Variants in INAVA observed in about 807,000 individuals in gnomAD.
INAVA encodes the protein innate immunity activator.
In INAVA, 32 loss-of-function variants were observed where a neutral mutation model predicts 55.3. The ratio of observed to expected loss-of-function variants is 0.58; its 90% CI spans 0.44 to 0.78. The LOEUF is 0.78. Ranked by LOEUF, INAVA falls within the 30% of genes least tolerant of loss-of-function variation. The pLI is 0.00. For synonymous variants in INAVA, 294 were observed against 329.4 expected (o/e 0.89, Z 1.16); for missense variants, 756 against 786.4 (o/e 0.96, Z 0.46).
At chr1:200,905,942 GT>G (rs1438355426) in intron 5 of INAVA, among the ~76,000 whole-genome samples, 1 of 152,258 alleles carries the variant, frequency 6.6e-6, no homozygotes, top group African/African-American at 2.4e-5. Context: ...CTGTCTGGGT[GT>G]GAATTCTGAC....
chr1:200,909,044 G>C, intron 7 of INAVA, 104 bp downstream of exon 7: 1 of 1,337,364 alleles, frequency 7.5e-7, no homozygotes, highest in Non-Finnish European at 1.0e-6. Context: ...TGGAAAGGTG[G>C]AGGAGAGAGC....
At chr1:200,894,844 C>T (rs1228728369), upstream of INAVA, 2 of 985,466 alleles carry the variant, frequency 2.0e-6, no homozygotes, top group Admixed American at 6.1e-5. Context: ...AGGACTTGCT[C>T]ACCTGCTCCT....
chr1:200,910,086 G>A (rs1364519304), intron 8 of INAVA, among the ~76,000 whole-genome samples: 2 of 152,160 alleles, frequency 1.3e-5, no homozygotes, highest in Admixed American at 1.3e-4. Context: ...CTTTGGCACT[G>A]TATTTGGGGG....
At chr1:200,909,447 G>A (rs1225856174) in intron 8 of INAVA, 50 bp downstream of exon 8, 19 of 1,414,738 alleles carry the variant, frequency 1.3e-5, no homozygotes, top group Middle Eastern at 4.2e-4. Flanking sequence ...AGAGCTTATC[G>A]TTGGAGGGTG....
chr1:200,903,439 A>G (rs951012832), intron 5 of INAVA, among the ~76,000 whole-genome samples: 1 of 151,776 alleles, frequency 6.6e-6, no homozygotes, highest in Non-Finnish European at 1.5e-5. Context: ...AAGGGAGCCG[A>G]GATCGTGCCA....
upstream of INAVA, among the ~76,000 whole-genome samples, chr1:200,891,974 C>A (rs969767081): frequency 6.6e-6 from 1 of 150,964 alleles, no homozygotes; most frequent in Non-Finnish European, 1.5e-5. Flanking sequence ...CTCGGGCCAG[C>A]CTGGATGTGG....
In INAVA at chr1:200,894,987, C is replaced by T. The variant is rs541681476; in HGVS notation, c.-195C>T. ...CCGTCAGCTGGAGAGAGAGCACAGGCCTGTGGCTTGGGAGACCCTGAGGCG... is the reference window on the plus strand; with the variant it reads ...CCGTCAGCTGGAGAGAGAGCACAGGTCTGTGGCTTGGGAGACCCTGAGGCG... On this transcript the variant is annotated 5_prime_UTR_variant, in exon 1 of 10. Transcript: ENST00000413687. 8.8e-4 allele frequency: 872 copies of T among 985,654 alleles called. 1 individual carries two copies. Among genetic ancestry groups the T allele is most frequent in the Non-Finnish European group, 1.0e-3 (848 of 830,078 alleles). The allele number at this position is 985,654 out of a possible 1,614,324, so 61.1% of individuals were successfully genotyped here.
At chr1:200,894,811 G>A, upstream of INAVA, 1 of 985,594 alleles carries the variant, frequency 1.0e-6, no homozygotes, top group African/African-American at 1.7e-5. Flanking sequence ...GCTGGCACCA[G>A]TTGCACGGGA....
rs1255448704 is a variant in INAVA at position 200,911,652 on chromosome 1, A to G, written c.1159A>G (p.Ser387Gly). Residue 387 changes from serine to glycine, a missense_variant, in exon 9 of 10, where the codon AGC becomes GGC. Coordinates refer to ENST00000413687, the MANE Select transcript of INAVA (RefSeq NM_001142569.3). ...SSISHPTSPG[S>G]SSPDISFLQP... ...CATCTCCCACCCCACTTCGCCGGGCAGCAGCAGCCCCGACATCTCCTTTCT... is the reference window on the plus strand; with the variant it reads ...CATCTCCCACCCCACTTCGCCGGGCGGCAGCAGCCCCGACATCTCCTTTCT... 6 of 1,614,008 alleles carry G rather than the reference A, an allele frequency of 3.7e-6. No homozygotes were observed. The highest frequency in any genetic ancestry group is 1.1e-5 in the South Asian group (1 of 91,074).
At chr1:200,893,767 G>A (rs1453409862), upstream of INAVA, among the ~76,000 whole-genome samples, 2 of 152,164 alleles carry the variant, frequency 1.3e-5, no homozygotes, top group Admixed American at 6.5e-5. Context: ...GGATGCTGGG[G>A]GACTCCAGCC....
At position 200,911,439 on chromosome 1, in the gene INAVA, C is replaced by A. The variant is rs564955761; in HGVS notation, c.960-14C>A. 1.2e-6 allele frequency: 2 copies of A among 1,602,992 alleles called. No homozygotes were observed. Among genetic ancestry groups the A allele is most frequent in the African/African-American group, 2.7e-5 (2 of 74,872 alleles). ...TGCCCCCCACACTCAGAATGCCTCTCTTTCCCTCTTCAGGGTGGATTCCTT... is the reference window on the plus strand; with the variant it reads ...TGCCCCCCACACTCAGAATGCCTCTATTTCCCTCTTCAGGGTGGATTCCTT... On this transcript the variant is annotated splice_polypyrimidine_tract_variant and intron_variant, in intron 8 of 9. Coordinates refer to ENST00000413687, the MANE Select transcript of INAVA (RefSeq NM_001142569.3).
intron 8 of INAVA, 62 bp downstream of exon 8, chr1:200,909,459 G>A: frequency 2.2e-6 from 3 of 1,374,088 alleles, no homozygotes; most frequent in Non-Finnish European, 2.9e-6. Flanking sequence ...TGGAGGGTGG[G>A]AGCTCCCAGG....
At chr1:200,892,957 A>G (rs114543578), upstream of INAVA, among the ~76,000 whole-genome samples, 1,467 of 152,310 alleles carry the variant, frequency 9.6e-3, 18 homozygotes, top group African/African-American at 0.033. Context: ...GAGATGGAGG[A>G]TTACCTGAGG....
intron 8 of INAVA, among the ~76,000 whole-genome samples, chr1:200,910,514 G>T (rs1280126982): frequency 6.6e-6 from 1 of 152,208 alleles, no homozygotes; most frequent in Admixed American, 6.5e-5. Flanking sequence ...TAAATTGGCT[G>T]GTCAGGCAGC....
chr1:200,907,987 A>T, intron 6 of INAVA, 100 bp downstream of exon 6: 10 of 957,810 alleles, frequency 1.0e-5, no homozygotes, highest in Non-Finnish European at 1.7e-5. Flanking sequence ...GTGGGAGTGA[A>T]GGCTAGGGTG....
Position 200,898,451 on chromosome 1 carries a change from G to A in INAVA, c.51G>A (p.Gln17=). ...ACACCGACAGTGGCATCATCCTGCA[G>A]TCTGGTGAGTGTTCAGGGAAATCCC... The part of the protein sequence containing the change: ...VSDTDSGIIL[Q]SGPDSPVSPM... Residue 17 remains glutamine (Q), a synonymous_variant, in exon 2 of 10, where the codon CAG becomes CAA. Transcript: ENST00000413687. 1 of 1,613,878 alleles carries A rather than the reference G, an allele frequency of 6.2e-7. No homozygotes were observed. The highest frequency in any genetic ancestry group is 8.5e-7 in the Non-Finnish European group (1 of 1,179,918).
In INAVA at chr1:200,906,793, G is replaced by C. The variant is rs1333353248; in HGVS notation, c.521-1041G>C. On this transcript the variant is annotated intron_variant, in intron 5 of 9. Coordinates refer to ENST00000413687, the MANE Select transcript of INAVA (RefSeq NM_001142569.3). ...ATTGGGATCTTTGAATTGTGTTTGTGATGTGAGATGATTATACAAAAGTTA... is the reference window on the plus strand; with the variant it reads ...ATTGGGATCTTTGAATTGTGTTTGTCATGTGAGATGATTATACAAAAGTTA... Among the ~76,000 whole-genome samples, 3 of 152,128 alleles carry C rather than the reference G, an allele frequency of 2.0e-5. 1 individual carries two copies. Among genetic ancestry groups the C allele is most frequent in the African/African-American group, 7.2e-5 (3 of 41,426 alleles).
chr1:200,914,580 G>A lies in INAVA; in HGVS notation c.*951G>A, dbSNP rs1419211172. The A allele has an allele frequency of 6.6e-6, 1 of 151,176 alleles. No individual in the cohort carries two copies. Among genetic ancestry groups the A allele is most frequent in the Non-Finnish European group, 1.5e-5 (1 of 67,832 alleles). 9.4% of individuals were successfully genotyped at this position (151,176 alleles called of 1,614,324 possible). On this transcript the variant is annotated 3_prime_UTR_variant, in exon 10 of 10. Transcript: ENST00000413687. ...CGAATCTCCTGCCTCAGCCTTCCGA[G>A]TAGCTGGGATTACAGGCAAGCACCA...
intron 1 of INAVA, among the ~76,000 whole-genome samples, chr1:200,895,917 C>T (rs1324830778): frequency 1.3e-5 from 2 of 152,180 alleles, no homozygotes. Context: ...CTCTGGGCAT[C>T]TGACGCTGTT....
Sources: gnomAD v4.1 joint callset for allele counts (sites outside exome capture counted in the v4.1 genomes callset) on GRCh38, gnomAD v4.1.1 for gene constraint, MANE v1.5 for transcripts, NCBI Gene and HGNC (gene_info 2026-07-23, HGNC 2026-07-21) for gene names.